Variants in CARD8 observed in about 807,000 individuals in gnomAD.
The protein encoded by CARD8 is caspase recruitment domain-containing protein 8.
CARD8 carries 38 observed loss-of-function variants against 53.2 expected under a neutral mutation model. The ratio of observed to expected loss-of-function variants is 0.71; its 90% CI spans 0.55 to 0.94. CARD8 has a LOEUF of 0.94. Ranked by LOEUF, CARD8 falls within the 40% of genes least tolerant of loss-of-function variation. The pLI is 0.00. For missense variants in CARD8, 561 were observed against 655.5 expected (o/e 0.86, Z 1.57); for synonymous variants, 245 against 244.9 (o/e 1.00, Z 0.00).
intron 3 of CARD8, among the ~76,000 whole-genome samples, chr19:48,245,698 A>G (rs1274986042): frequency 6.6e-6 from 1 of 151,016 alleles, no homozygotes; most frequent in East Asian, 1.9e-4. Flanking sequence ...AAAATAGCAA[A>G]GATTCACATA....
chr19:48,207,243 G>A (rs1299952914), downstream of CARD8, among the ~76,000 whole-genome samples: 1 of 150,520 alleles, frequency 6.6e-6, no homozygotes, highest in African/African-American at 2.4e-5. Context: ...TTCCCAGCCT[G>A]AGAACTGTAA....
chr19:48,221,012 G>A (rs1347598863), intron 11 of CARD8, among the ~76,000 whole-genome samples: 26 of 128,738 alleles, frequency 2.0e-4, no homozygotes, highest in East Asian at 1.7e-3. Flanking sequence ...GAAAGAAAAA[G>A]AAAGAAAGAA....
downstream of CARD8, among the ~76,000 whole-genome samples, chr19:48,205,549 G>T (rs1457165322): frequency 6.6e-6 from 1 of 152,134 alleles, no homozygotes; most frequent in East Asian, 1.9e-4. Context: ...TTGTTAAACA[G>T]ATAATATATA....
chr19:48,215,386 T>A lies in CARD8; in HGVS notation c.1304-2A>T. The stretch of plus-strand genomic sequence containing the variant: ...ATGCAGCTACAAGCTGGAGATCCAC[T>A]ACAAAAGAGGGAAAAATTATATGAT... On this transcript the variant is annotated splice_acceptor_variant, in intron 12 of 13. Coordinates refer to ENST00000651546, the MANE Select transcript of CARD8 (RefSeq NM_001184900.3). LOFTEE classifies it high-confidence loss of function. The A allele has an allele frequency of 6.2e-7, 1 of 1,606,996 alleles. No homozygotes were observed. Among genetic ancestry groups the A allele is most frequent in the Non-Finnish European group, 8.5e-7 (1 of 1,173,858 alleles).
intron 13 of CARD8, among the ~76,000 whole-genome samples, chr19:48,213,461 G>A (rs948052061): frequency 2.6e-5 from 4 of 152,108 alleles, no homozygotes; most frequent in South Asian, 2.1e-4. Context: ...TGCAATCTCC[G>A]CCCCTGGGTT....
intron 5 of CARD8, among the ~76,000 whole-genome samples, chr19:48,238,044 C>T (rs1359352253): frequency 1.3e-5 from 2 of 151,880 alleles, no homozygotes; most frequent in East Asian, 2.0e-4. Context: ...GTGTGGGCCA[C>T]TATGCCCAGC....
At chr19:48,233,366 G>A (rs2043263952) in intron 6 of CARD8, 2 of 456,168 alleles carry the variant, frequency 4.4e-6, no homozygotes, top group Non-Finnish European at 8.8e-6. Context: ...GACCAGCAGA[G>A]AAACTGACAC....
chr19:48,241,483 C>T (rs2045077285), intron 3 of CARD8, among the ~76,000 whole-genome samples: 1 of 152,128 alleles, frequency 6.6e-6, no homozygotes, highest in South Asian at 2.1e-4. Context: ...CTCAAACTCC[C>T]AACCTCAGGT....
intron 5 of CARD8, 110 bp from the exon 6 acceptor site, chr19:48,234,653 C>T (rs1035818759): frequency 2.1e-5 from 21 of 1,003,008 alleles, no homozygotes; most frequent in Admixed American, 5.8e-5. Context: ...AATATTTTAT[C>T]TTAGGGAAGT....
chr19:48,207,733 T>TGTTTTTTTTTTTTTG (rs2037427922), downstream of CARD8, among the ~76,000 whole-genome samples: 2 of 67,988 alleles, frequency 2.9e-5, no homozygotes, highest in Non-Finnish European at 7.4e-5. Context: ...GTTGTTTTTC[T>TGTTTTTTTTTTTTTG]GTTTTTTTTT....
At chr19:48,203,880 T>G (rs2037246878), downstream of CARD8, 1 of 286,572 alleles carries the variant, frequency 3.5e-6, no homozygotes, top group East Asian at 1.3e-4. Context: ...CTGTATCTCC[T>G]GCTGTAGCAG....
intron 3 of CARD8, among the ~76,000 whole-genome samples, chr19:48,243,868 T>G (rs868606253): frequency 2.6e-4 from 40 of 151,010 alleles, no homozygotes; most frequent in Non-Finnish European, 5.2e-4. Context: ...GAAATGGAAT[T>G]TTTTCCTTAT....
downstream of CARD8, among the ~76,000 whole-genome samples, chr19:48,204,827 G>C (rs2037284164): frequency 6.6e-6 from 1 of 152,196 alleles, no homozygotes; most frequent in Admixed American, 6.5e-5. Context: ...CAACTCAGTA[G>C]CAGCCTCTAG....
At chr19:48,218,097 G>T (rs1358378753) in intron 12 of CARD8, among the ~76,000 whole-genome samples, 1 of 151,820 alleles carries the variant, frequency 6.6e-6, no homozygotes, top group African/African-American at 2.4e-5. Context: ...ACTTCCTAGA[G>T]ATGAACAAAT....
chr19:48,232,986 G>C lies in CARD8; in HGVS notation c.351-493C>G, dbSNP rs542097853. On this transcript the variant is annotated intron_variant, in intron 6 of 13. Coordinates refer to ENST00000651546, the MANE Select transcript of CARD8 (RefSeq NM_001184900.3). ...GCTCCGATTGGTATCATACGATGTC[G>C]GAATCAAAGACTGAAGCAGTAATTC... is the stretch of plus-strand genomic sequence containing the variant. 26 of 355,022 alleles carry C rather than the reference G, an allele frequency of 7.3e-5. 1 individual carries two copies. Among genetic ancestry groups the C allele is most frequent in the African/African-American group, 4.3e-4 (20 of 46,656 alleles). The allele number at this position is 355,022 out of a possible 1,614,324, so 22.0% of individuals were successfully genotyped here.
chr19:48,214,225 C>T (rs972257130), intron 13 of CARD8, among the ~76,000 whole-genome samples: 1 of 152,114 alleles, frequency 6.6e-6, no homozygotes. Context: ...GCAGGCAGCT[C>T]GTCAGATATG....
intron 8 of CARD8, among the ~76,000 whole-genome samples, chr19:48,231,448 G>A (rs950764191): frequency 1.6e-4 from 25 of 152,046 alleles, no homozygotes; most frequent in African/African-American, 5.8e-4. Context: ...GGGACTACAC[G>A]CGGGTGCCAC....
intron 10 of CARD8, 135 bp downstream of exon 10, chr19:48,230,303 G>A: frequency 1.1e-6 from 1 of 950,076 alleles, no homozygotes; most frequent in Non-Finnish European, 1.6e-6. Flanking sequence ...ATGAACCTCA[G>A]GAAGGGTGAC....
intron 3 of CARD8, among the ~76,000 whole-genome samples, chr19:48,241,343 C>T (rs997877674): frequency 5.3e-5 from 8 of 152,292 alleles, no homozygotes; most frequent in Middle Eastern, 3.4e-3. Flanking sequence ...GCAACCTCCA[C>T]CTCCCGGGTT....
Sources: gnomAD v4.1 joint callset for allele counts (sites outside exome capture counted in the v4.1 genomes callset) on GRCh38, gnomAD v4.1.1 for gene constraint, MANE v1.5 for transcripts, NCBI Gene and HGNC (gene_info 2026-07-23, HGNC 2026-07-21) for gene names.